Variants in LEO1 observed in about 807,000 individuals in gnomAD.
The protein encoded by LEO1 is LEO1 component of Paf1/RNA polymerase II complex.
LEO1 carries 34 observed loss-of-function variants against 80.4 expected under a neutral mutation model. The observed-to-expected ratio is 0.42, with a 90% CI of 0.32 to 0.56. The LOEUF (loss-of-function observed/expected upper bound fraction) is 0.56. Among genes scored for constraint, LEO1 ranks in the 20% least tolerant of loss-of-function variants. LEO1 has a pLI of 0.10. For missense variants in LEO1, 631 were observed against 814.2 expected (o/e 0.77, Z 2.74); for synonymous variants, 262 against 274.9 (o/e 0.95, Z 0.46).
Position 51,948,816 on chromosome 15 carries a change from C to T in LEO1, c.1798+992G>A, listed in dbSNP as rs192418528. ...GAAGGCCAGCCAGGTCTTCTTAGTT[C>T]GCTTTTCACCATGTCGTCTTGCTAC... On this transcript the variant is annotated intron_variant, in intron 10 of 11. Coordinates refer to ENST00000299601, the MANE Select transcript of LEO1 (RefSeq NM_138792.4). 4.1e-3 allele frequency among the ~76,000 whole-genome samples: 620 copies of T among 152,288 alleles called. 3 individuals carry two copies. The highest frequency in any genetic ancestry group is 7.0e-3 in the Non-Finnish European group (474 of 68,032).
At chr15:51,960,536 C>G in intron 4 of LEO1, 103 bp downstream of exon 4, 1 of 690,108 alleles carries the variant, frequency 1.4e-6, no homozygotes, top group Non-Finnish European at 2.6e-6. Flanking sequence ...TATTTTCATA[C>G]TAGAATTCAG....
In LEO1 at chr15:51,966,132, T is replaced by C; in HGVS notation, c.431A>G (p.Lys144Arg). 6.2e-7 allele frequency: 1 copy of C among 1,614,056 alleles called. No individual in the cohort carries two copies. The highest frequency in any genetic ancestry group is 8.5e-7 in the Non-Finnish European group (1 of 1,180,042). The part of the protein sequence containing the change: ...GSEKAHSDDE[K>R]WGREDKSDQS... The stretch of plus-strand genomic sequence containing the variant: ...GTCACTTTTATCTTCTCTGCCCCAT[T>C]TTTCATCATCTGAATGTGCTTTTTC... Residue 144 changes from lysine (K) to arginine (R), a missense_variant, in exon 2 of 12, where the codon AAA (lysine) becomes AGA (arginine). Physicochemically the swap from Lys to Arg is conservative, Grantham distance 26 (BLOSUM62 2). Coordinates refer to ENST00000299601, the MANE Select transcript of LEO1 (RefSeq NM_138792.4).
chr15:51,947,626 G>A (rs2056913276), intron 10 of LEO1, among the ~76,000 whole-genome samples: 1 of 151,872 alleles, frequency 6.6e-6, no homozygotes, highest in Non-Finnish European at 1.5e-5. Flanking sequence ...GTCTTGCCAT[G>A]TTGCCCAGGC....
chr15:51,950,341 T>TA (rs2056939247), intron 9 of LEO1, among the ~76,000 whole-genome samples: 1 of 152,100 alleles, frequency 6.6e-6, no homozygotes, highest in South Asian at 2.1e-4. Context: ...GAAACCTAAA[T>TA]TGACTCCCTG....
chr15:51,953,978 G>A (rs1027339876), intron 7 of LEO1, among the ~76,000 whole-genome samples: 2 of 150,438 alleles, frequency 1.3e-5, no homozygotes, highest in Non-Finnish European at 3.0e-5. Context: ...CTGTTGCCCA[G>A]GCTGGAGTGC....
intron 6 of LEO1, among the ~76,000 whole-genome samples, chr15:51,955,846 T>C (rs1327904125): frequency 6.6e-6 from 1 of 152,206 alleles, no homozygotes; most frequent in Non-Finnish European, 1.5e-5. Flanking sequence ...CAAATAGCTA[T>C]AAAGTGTGCT....
At chr15:51,943,151 G>A (rs1359193882) in intron 11 of LEO1, among the ~76,000 whole-genome samples, 5 of 151,090 alleles carry the variant, frequency 3.3e-5, no homozygotes, top group Non-Finnish European at 7.4e-5. Flanking sequence ...AGACCAATGC[G>A]GGCAGATCAT....
chr15:51,948,152 C>T (rs1474339518), intron 10 of LEO1, among the ~76,000 whole-genome samples: 1 of 152,166 alleles, frequency 6.6e-6, no homozygotes. Flanking sequence ...ACTGCCCAAG[C>T]CCAGGTGAAC....
chr15:51,967,740 C>A (rs568135821), intron 1 of LEO1, among the ~76,000 whole-genome samples: 1 of 152,268 alleles, frequency 6.6e-6, no homozygotes, highest in Admixed American at 6.5e-5. Flanking sequence ...CATAAGAGGA[C>A]ACATTCAAAG....
At chr15:51,945,388 G>A (rs2056891751) in intron 11 of LEO1, among the ~76,000 whole-genome samples, 1 of 150,702 alleles carries the variant, frequency 6.6e-6, no homozygotes, top group Non-Finnish European at 1.5e-5. Flanking sequence ...CTTCACACAT[G>A]CCAGGCAGGT....
At position 51,948,708 on chromosome 15, in the gene LEO1, C is replaced by T. The variant is rs1288886271; in HGVS notation, c.1798+1100G>A. On this transcript the variant is annotated intron_variant, in intron 10 of 11. Coordinates refer to ENST00000299601, the MANE Select transcript of LEO1 (RefSeq NM_138792.4). Reference sequence around the variant, plus strand: ...GGTTGTTTTTGTCACAATGAGGTAACAGAAGTTAAGGGAAACTATGTAACT... The same window carrying T: ...GGTTGTTTTTGTCACAATGAGGTAATAGAAGTTAAGGGAAACTATGTAACT... 3.9e-5 allele frequency among the ~76,000 whole-genome samples: 6 copies of T among 152,150 alleles called. No homozygotes were observed. The East Asian group carries it at 1.2e-3, about 29-fold the overall frequency.
At chr15:51,944,712 C>A (rs1345480261) in intron 11 of LEO1, among the ~76,000 whole-genome samples, 1 of 152,022 alleles carries the variant, frequency 6.6e-6, no homozygotes, top group Non-Finnish European at 1.5e-5. Flanking sequence ...AATTTCATCA[C>A]ATTTTGAAAT....
chr15:51,965,687 T>C (rs2057068939), intron 2 of LEO1, 62 bp downstream of exon 2: 1 of 1,524,432 alleles, frequency 6.6e-7, no homozygotes, highest in Non-Finnish European at 8.8e-7. Context: ...AAAGACTAAA[T>C]GGGTCCCTGC....
At chr15:51,962,933 C>G (rs907703479) in intron 2 of LEO1, among the ~76,000 whole-genome samples, 3 of 150,050 alleles carry the variant, frequency 2.0e-5, no homozygotes, top group Non-Finnish European at 4.4e-5. Flanking sequence ...ATGCCCCCCC[C>G]CCAAAAAATT....
intron 10 of LEO1, among the ~76,000 whole-genome samples, chr15:51,948,536 T>A (rs2141753092): frequency 6.6e-6 from 1 of 152,206 alleles, no homozygotes; most frequent in East Asian, 1.9e-4. Context: ...AAAGGAGAAA[T>A]GAGTTTCATG....
intron 3 of LEO1, among the ~76,000 whole-genome samples, chr15:51,961,309 A>G (rs1396416418): frequency 6.7e-6 from 1 of 149,230 alleles, no homozygotes; most frequent in East Asian, 2.1e-4. Flanking sequence ...AAGCTGCCAC[A>G]CCTGGCGGTA....
intron 2 of LEO1, among the ~76,000 whole-genome samples, chr15:51,964,231 G>A (rs1413904801): frequency 6.6e-6 from 1 of 151,798 alleles, no homozygotes; most frequent in African/African-American, 2.4e-5. Flanking sequence ...ATGAGTTCAT[G>A]TCCTTTGCAG....
Position 51,967,040 on chromosome 15 carries a change from G to A in LEO1, c.59-536C>T, listed in dbSNP as rs536292160. ...AACTTGAAGATACCTCAGTTCGACT[G>A]TCCAATCTGAGAAACAGAAAGAAAA... On this transcript the variant is annotated intron_variant, in intron 1 of 11. Transcript: ENST00000299601. 4.6e-5 allele frequency among the ~76,000 whole-genome samples: 7 copies of A among 152,310 alleles called. No individual in the cohort carries two copies. The South Asian group carries it at 1.2e-3, about 27-fold the overall frequency.
At chr15:51,955,301 C>G (rs1349101799) in intron 6 of LEO1, among the ~76,000 whole-genome samples, 1 of 151,982 alleles carries the variant, frequency 6.6e-6, no homozygotes, top group African/African-American at 2.4e-5. Flanking sequence ...CTAAAAACTC[C>G]ATAAAAATGA....
Sources: gnomAD v4.1 joint callset for allele counts (sites outside exome capture counted in the v4.1 genomes callset) on GRCh38, gnomAD v4.1.1 for gene constraint, MANE v1.5 for transcripts, NCBI Gene and HGNC (gene_info 2026-07-23, HGNC 2026-07-21) for gene names.